Variants in DNAH7 observed in about 807,000 individuals in gnomAD.
DNAH7 encodes dynein axonemal heavy chain 7, also known as axonemal beta dynein heavy chain 7.
In DNAH7, 397 loss-of-function variants were observed where a neutral mutation model predicts 444.6. The observed-to-expected ratio is 0.89, with a 90% CI of 0.82 to 0.97. DNAH7 has a LOEUF of 0.97. Among genes scored for constraint, DNAH7 ranks in the 50% least tolerant of loss-of-function variants. The pLI is 0.00. For synonymous variants in DNAH7, 1,636 were observed against 1,624.4 expected (o/e 1.01, Z -0.17); for missense variants, 4,902 against 4,800.8 (o/e 1.02, Z -0.62).
At chr2:196,046,624 C>T (rs552042740) in intron 5 of DNAH7, among the ~76,000 whole-genome samples, 76 of 152,182 alleles carry the variant, frequency 5.0e-4, no homozygotes, top group African/African-American at 1.7e-3. Context: ...ATACGCTCAA[C>T]CCAGCTGCAT....
intron 61 of DNAH7, among the ~76,000 whole-genome samples, chr2:195,771,038 G>T (rs13430656): frequency 0.49 from 74,089 of 151,688 alleles, 19,050 homozygotes; most frequent in Non-Finnish European, 0.59. Context: ...ATGTGAGCCT[G>T]GGCCAGGAGT....
At chr2:195,903,801 A>C (rs1686848868) in intron 27 of DNAH7, 1 of 152,122 alleles carries the variant, frequency 6.6e-6, no homozygotes, top group Admixed American at 6.6e-5. Flanking sequence ...TTCCCTTTGA[A>C]GGGAGCTGTC....
In DNAH7 at chr2:195,818,461, A is replaced by T. The variant is rs559692899; in HGVS notation, c.9292-632T>A. 2.6e-5 allele frequency among the ~76,000 whole-genome samples: 4 copies of T among 152,218 alleles called. No homozygotes were observed. In the East Asian group the frequency reaches 7.7e-4, roughly 29 times the overall value. ...TGCTCTTACAGGCAGGTCTCTCTTC[A>T]TTGTCCACATCTCCTGTTTCTTTCC... On this transcript the variant is annotated intron_variant, in intron 49 of 64. Transcript: ENST00000312428.
chr2:195,826,050 A>AT (rs1204608266), intron 48 of DNAH7, among the ~76,000 whole-genome samples: 1 of 152,126 alleles, frequency 6.6e-6, no homozygotes, highest in Non-Finnish European at 1.5e-5. Context: ...AAATATGTTA[A>AT]TTTTCTGTTG....
chr2:195,864,343 G>C lies in DNAH7; in HGVS notation c.7312C>G (p.Arg2438Gly). Residue 2438 changes from arginine (R) to glycine (G), a missense_variant, in exon 41 of 65, where the codon CGT becomes GGT. Transcript: ENST00000312428. The part of the protein sequence containing the change: ...DEKQEICDKM[R>G]QLDRQRDKTK... ...TTATCCCGCTGGCGATCTAACTGACGCATCTTATCACATATCTCTTGCTTC... is the reference window on the plus strand; with the variant it reads ...TTATCCCGCTGGCGATCTAACTGACCCATCTTATCACATATCTCTTGCTTC... The C allele has an allele frequency of 6.2e-7, 1 of 1,614,106 alleles. No homozygotes were observed. The highest frequency in any genetic ancestry group is 8.5e-7 in the Non-Finnish European group (1 of 1,180,022).
At chr2:195,803,965 A>C (rs1221678279) in intron 54 of DNAH7, among the ~76,000 whole-genome samples, 1 of 152,104 alleles carries the variant, frequency 6.6e-6, no homozygotes, top group Non-Finnish European at 1.5e-5. Context: ...TGATTTAGTG[A>C]GACTCTTACA....
In DNAH7 at chr2:195,852,051, G is replaced by A. The variant is rs567693382; in HGVS notation, c.8781+1292C>T. Among the ~76,000 whole-genome samples, 46 of 152,264 alleles carry A rather than the reference G, an allele frequency of 3.0e-4. 1 individual carries two copies. The South Asian group carries it at 6.2e-3, about 21-fold the overall frequency. ...AGGTGGGCAGATCATAAGGTCAGGAGATTGAGACCATCCTGGCTAACATGG... is the reference window on the plus strand; with the variant it reads ...AGGTGGGCAGATCATAAGGTCAGGAAATTGAGACCATCCTGGCTAACATGG... On this transcript the variant is annotated intron_variant, in intron 46 of 64. Coordinates refer to ENST00000312428, the MANE Select transcript of DNAH7 (RefSeq NM_018897.3).
chr2:195,989,503 C>G (rs901969638), intron 12 of DNAH7, among the ~76,000 whole-genome samples: 3 of 152,146 alleles, frequency 2.0e-5, no homozygotes, highest in Non-Finnish European at 4.4e-5. Flanking sequence ...TGATAAATGT[C>G]TTGTCAGGTT....
At chr2:196,030,914 G>C (rs1364423055) in intron 5 of DNAH7, among the ~76,000 whole-genome samples, 1 of 152,220 alleles carries the variant, frequency 6.6e-6, no homozygotes, top group East Asian at 1.9e-4. Flanking sequence ...CAAGCTGTCA[G>C]TGGATCTACC....
chr2:195,940,356 T>A (rs1175265101), intron 19 of DNAH7, among the ~76,000 whole-genome samples: 1 of 152,118 alleles, frequency 6.6e-6, no homozygotes, highest in African/African-American at 2.4e-5. Context: ...TCCTTACACC[T>A]TACACAAAAA....
chr2:195,740,991 G>A, intron 63 of DNAH7, 122 bp from the exon 64 acceptor site: 1 of 411,040 alleles, frequency 2.4e-6, no homozygotes, highest in Non-Finnish European at 4.2e-6. Flanking sequence ...CCTAAGATTT[G>A]TTCTCCAATG....
intron 5 of DNAH7, among the ~76,000 whole-genome samples, chr2:196,036,581 G>T (rs1393703006): frequency 6.6e-6 from 1 of 152,048 alleles, no homozygotes; most frequent in Non-Finnish European, 1.5e-5. Context: ...CAATGACCTT[G>T]CCCCCTCATC....
rs199830841 is a variant in DNAH7, at chr2:195,738,105, C to T, written c.11891G>A (p.Arg3964Lys). 3.6e-5 allele frequency: 58 copies of T among 1,613,844 alleles called. No individual in the cohort carries two copies. The African/African-American group carries it at 7.1e-4, about 20-fold the overall frequency. Reference sequence around the variant, plus strand: ...ACTTGGCCGTTTTGGTATATCTGCCCTCTTACAGGGCTTTAGCCACATCTG... The same window carrying T: ...ACTTGGCCGTTTTGGTATATCTGCCTTCTTACAGGGCTTTAGCCACATCTG... ...VPVMWLKPCK[R>K]ADIPKRPSYV... Residue 3964 changes from arginine (R) to lysine (K), a missense_variant, in exon 65 of 65, where the codon AGG becomes AAG. By Grantham distance (26) the Arg-to-Lys change is conservative. Coordinates refer to ENST00000312428, the MANE Select transcript of DNAH7 (RefSeq NM_018897.3).
intron 15 of DNAH7, 76 bp downstream of exon 15, chr2:195,984,556 G>C (rs1692783437): frequency 9.4e-6 from 13 of 1,387,722 alleles, no homozygotes; most frequent in African/African-American, 1.4e-5. Context: ...AACTTTTCGA[G>C]TGATTTGTTA....
intron 54 of DNAH7, among the ~76,000 whole-genome samples, chr2:195,802,867 C>T (rs1038406044): frequency 6.6e-6 from 1 of 152,124 alleles, no homozygotes; most frequent in Non-Finnish European, 1.5e-5. Flanking sequence ...ACCCTTCACC[C>T]TTCTGAGTCT....
rs560270380 is a variant in DNAH7, at chr2:196,020,572, T to TG, written c.744-1278_744-1277insC. Among the ~76,000 whole-genome samples, 77 of 151,718 alleles carry TG rather than the reference T, an allele frequency of 5.1e-4. 1 individual carries two copies. In the East Asian group the frequency reaches 0.014, roughly 28 times the overall value. On this transcript the variant is annotated intron_variant, in intron 8 of 64. Coordinates refer to ENST00000312428, the MANE Select transcript of DNAH7 (RefSeq NM_018897.3). ...ATGGAAAATGGGTACATAACTTTTT[T>TG]TGTGTGTGTGTGTGGAATGGGGAAT...
intron 60 of DNAH7, among the ~76,000 whole-genome samples, chr2:195,775,457 G>A (rs771092820): frequency 1.3e-5 from 2 of 152,028 alleles, no homozygotes; most frequent in African/African-American, 4.8e-5. Context: ...AAATAAAATA[G>A]GTAAAATTTT....
rs1471089057 is a variant in DNAH7, at chr2:195,775,906, T to G, written c.11142A>C (p.Ala3714=). ...TTTCTGACTGATCCTTAGTGATATC[T>G]GCATTGGCATTCATCCCAAAGATTT... ...APEIFGMNAN[A]DITKDQSETQ... is the part of the protein sequence containing the mutation. The change falls in exon 60 of 65, where the codon GCA becomes GCC. Residue 3714 remains alanine (A), a synonymous_variant. Transcript: ENST00000312428. 1 of 1,614,092 alleles carries G rather than the reference T, an allele frequency of 6.2e-7. No homozygotes were observed. The highest frequency in any genetic ancestry group is 8.5e-7 in the Non-Finnish European group (1 of 1,180,030).
Position 195,737,847 on chromosome 2 carries a change from T to C in DNAH7, c.*74A>G. 1 of 1,349,068 alleles carries C rather than the reference T, an allele frequency of 7.4e-7. No individual in the cohort carries two copies. The highest frequency in any genetic ancestry group is 1.0e-6 in the Non-Finnish European group (1 of 981,854). 83.6% of individuals were successfully genotyped at this position (1,349,068 alleles called of 1,614,324 possible). On this transcript the variant is annotated 3_prime_UTR_variant, in exon 65 of 65. Coordinates refer to ENST00000312428, the MANE Select transcript of DNAH7 (RefSeq NM_018897.3). Reference sequence around the variant, plus strand: ...GTATTTAAACAAACAAAAAAAAAGGTTTAAGTAGTAAAATATGCTTTCTCT... The same window carrying C: ...GTATTTAAACAAACAAAAAAAAAGGCTTAAGTAGTAAAATATGCTTTCTCT...
Sources: gnomAD v4.1 joint callset for allele counts (sites outside exome capture counted in the v4.1 genomes callset) on GRCh38, gnomAD v4.1.1 for gene constraint, MANE v1.5 for transcripts, NCBI Gene and HGNC (gene_info 2026-07-23, HGNC 2026-07-21) for gene names.